RAP1GAP2: variants seen among roughly 807,000 people sequenced by gnomAD.
RAP1GAP2 encodes the protein RAP1 GTPase activating protein 2.
Under a neutral mutation model 95.0 loss-of-function variants are expected in RAP1GAP2, and 27 were observed. The ratio of observed to expected loss-of-function variants is 0.28; its 90% CI spans 0.21 to 0.39. The LOEUF (loss-of-function observed/expected upper bound fraction) is 0.39, where lower values mean the gene tolerates loss of function less well. RAP1GAP2 is among the 10% of genes least tolerant of loss of function. The pLI, the probability that RAP1GAP2 is intolerant of heterozygous loss-of-function variation, is 1.00. For missense variants in RAP1GAP2, 771 were observed against 970.0 expected, an observed-to-expected ratio of 0.79 and a Z score of 2.72; for synonymous variants, 373 against 380.9, an observed-to-expected ratio of 0.98 and a Z score of 0.24.
At chr17:2,813,856 G>A (rs113948841) in intron 2 of RAP1GAP2, among the ~76,000 whole-genome samples, 1,807 of 152,158 alleles carry the variant, frequency 0.012, 44 homozygotes, top group African/African-American at 0.041. Context: ...GTAGCTACTC[G>A]GGAGGCTGAG....
In RAP1GAP2 at chr17:3,008,121, C is replaced by CG. The variant is rs779171787; in HGVS notation, c.1476dup (p.Phe493ValfsTer6). On this transcript the variant is annotated frameshift_variant, in exon 17 of 25. Coordinates refer to ENST00000254695, the MANE Select transcript of RAP1GAP2 (RefSeq NM_015085.5). LOFTEE classifies it high-confidence loss of function. The surrounding 1 kb of genome is among the most constrained non-coding windows in gnomAD (Gnocchi z 4.2). ...AGGACAAGTTTGAGAATGGAGGCCA[C>CG]GGGGGGTTCCTGGAGTCTTTTAAGG... is the stretch of plus-strand genomic sequence containing the variant. The CG allele has an allele frequency of 2.5e-6, 4 of 1,613,950 alleles. No homozygotes were observed. Among genetic ancestry groups the CG allele is most frequent in the African/African-American group, 1.3e-5 (1 of 75,038 alleles).
At chr17:2,780,287 G>A (rs112539239) in intron 1 of RAP1GAP2, among the ~76,000 whole-genome samples, 21,864 of 152,180 alleles carry the variant, frequency 0.14, 1,815 homozygotes, top group East Asian at 0.33. Flanking sequence ...CTGACCTCAG[G>A]TGATCCGCCC....
At chr17:3,007,361 G>A (rs1391008326) in intron 16 of RAP1GAP2, among the ~76,000 whole-genome samples, 1 of 152,188 alleles carries the variant, frequency 6.6e-6, no homozygotes, top group Non-Finnish European at 1.5e-5. Context: ...GGCAAGAGGT[G>A]CAGGAAGGCG....
upstream of RAP1GAP2, among the ~76,000 whole-genome samples, chr17:2,775,394 C>T (rs1199017968): frequency 6.6e-6 from 1 of 150,816 alleles, no homozygotes; most frequent in East Asian, 1.9e-4. Context: ...AGGTGGAAGT[C>T]CTCTCCAAGA....
At chr17:2,846,926 A>G (rs970245988) in intron 2 of RAP1GAP2, among the ~76,000 whole-genome samples, 1 of 152,188 alleles carries the variant, frequency 6.6e-6, no homozygotes, top group African/African-American at 2.4e-5. Flanking sequence ...ATTTTAGCTC[A>G]CAATAGTAGT....
Position 2,806,641 on chromosome 17 carries a change from C to T in RAP1GAP2, c.80+6091C>T, listed in dbSNP as rs571200755. ...TGAACTCGTGACCTCAGATGATCCA[C>T]TTGTCTCGGCCTCCCAAAGTGCTGG... On this transcript the variant is annotated intron_variant, in intron 2 of 24. Coordinates refer to ENST00000254695, the MANE Select transcript of RAP1GAP2 (RefSeq NM_015085.5). 3.3e-5 allele frequency among the ~76,000 whole-genome samples: 5 copies of T among 151,710 alleles called. No individual in the cohort carries two copies. The East Asian group carries it at 7.7e-4, about 24-fold the overall frequency.
chr17:2,960,502 C>T (rs376320051), intron 4 of RAP1GAP2, among the ~76,000 whole-genome samples: 28 of 152,214 alleles, frequency 1.8e-4, no homozygotes, highest in Non-Finnish European at 3.4e-4. Context: ...CAGGGAAGTC[C>T]GCAGAGGCTG....
rs927212471 is a variant in RAP1GAP2 at position 2,871,707 on chromosome 17, AGT to A, written c.81-33576_81-33575del. Among the ~76,000 whole-genome samples, 36 of 152,214 alleles carry A rather than the reference AGT, an allele frequency of 2.4e-4. No homozygotes were observed. The highest frequency in any genetic ancestry group is 1.5e-5 in the Non-Finnish European group (1 of 68,036). ...CATCCCATGGGCAGTACAGTTTGGC[AGT>A]AGCTGTCTCCATTATCCATGCTATC... is the stretch of plus-strand genomic sequence containing the variant. On this transcript the variant is annotated intron_variant, in intron 2 of 24. Coordinates refer to ENST00000254695, the MANE Select transcript of RAP1GAP2 (RefSeq NM_015085.5). The surrounding 1 kb of genome is among the most constrained non-coding windows in gnomAD (Gnocchi z 5.0).
chr17:2,819,170 T>C (rs549675656), intron 2 of RAP1GAP2, among the ~76,000 whole-genome samples: 20 of 151,740 alleles, frequency 1.3e-4, no homozygotes, highest in East Asian at 3.9e-4. Flanking sequence ...AGGCGCCCGC[T>C]ACCACACCCG....
At chr17:2,758,034 TA>T (rs1465597367) in intron 1 of RAP1GAP2, among the ~76,000 whole-genome samples, 3 of 151,592 alleles carry the variant, frequency 2.0e-5, no homozygotes, top group Non-Finnish European at 4.4e-5. Flanking sequence ...CACGCCAGGC[TA>T]ATTTTTTGTA....
chr17:2,887,209 C>T (rs2073532540), intron 2 of RAP1GAP2, among the ~76,000 whole-genome samples: 1 of 151,692 alleles, frequency 6.6e-6, no homozygotes, highest in Non-Finnish European at 1.5e-5. Context: ...AGGCATGCAC[C>T]AACACGCTCA....
chr17:3,010,336 C>CAAAAAAAAAAA (rs1179623628), intron 17 of RAP1GAP2, among the ~76,000 whole-genome samples: 1 of 70,276 alleles, frequency 1.4e-5, no homozygotes, highest in Non-Finnish European at 2.7e-5. Flanking sequence ...GAGACTGTCT[C>CAAAAAAAAAAA]AAAAAAAAAA....
At position 3,027,069 on chromosome 17, in the gene RAP1GAP2, A is replaced by G. The variant is rs377463756; in HGVS notation, c.2106A>G (p.Thr702=). Residue 702 remains threonine (T), a splice_region_variant and synonymous_variant, in exon 22 of 25, where the codon ACA becomes ACG. Coordinates refer to ENST00000254695, the MANE Select transcript of RAP1GAP2 (RefSeq NM_015085.5). This position sits in a 1 kb window ranked among gnomAD's most constrained non-coding sequence, Gnocchi z 5.2. ...CGATCATCATGAGCCGGAGTCCCAC[A>G]GGTCAGTGGCATCTGGTGGTGTGTG... ...ATPIIMSRSP[T]DAKSRNSPRS... 8 of 1,576,960 alleles carry G rather than the reference A, an allele frequency of 5.1e-6. No homozygotes were observed. The highest frequency in any genetic ancestry group is 1.8e-5 in the Admixed American group (1 of 54,872).
intron 8 of RAP1GAP2, among the ~76,000 whole-genome samples, chr17:2,972,562 C>T (rs2044908612): frequency 8.1e-6 from 1 of 123,594 alleles, no homozygotes; most frequent in African/African-American, 3.1e-5. Flanking sequence ...TGTGCCATTG[C>T]ACTACAGCCT....
chr17:2,838,693 G>A (rs1300166225), intron 2 of RAP1GAP2, among the ~76,000 whole-genome samples: 1 of 152,134 alleles, frequency 6.6e-6, no homozygotes, highest in Non-Finnish European at 1.5e-5. Flanking sequence ...AATTGTAACC[G>A]GGGGAGATGA....
intron 8 of RAP1GAP2, among the ~76,000 whole-genome samples, chr17:2,977,742 G>A (rs1367003761): frequency 3.2e-5 from 3 of 94,112 alleles, no homozygotes; most frequent in African/African-American, 9.8e-5. Flanking sequence ...GAGAGACTCC[G>A]TCTTAAAAAA....
At chr17:2,798,247 C>G (rs376795518) in intron 1 of RAP1GAP2, among the ~76,000 whole-genome samples, 15 of 152,314 alleles carry the variant, frequency 9.8e-5, no homozygotes, top group African/African-American at 3.6e-4. Context: ...CCCAGACGCC[C>G]TTGTGTGCTG....
In RAP1GAP2 at chr17:2,832,412, C is replaced by G. The variant is rs543587382; in HGVS notation, c.80+31862C>G. On this transcript the variant is annotated intron_variant, in intron 2 of 24. Coordinates refer to ENST00000254695, the MANE Select transcript of RAP1GAP2 (RefSeq NM_015085.5). ...TCTCTACTAAAAATACAAAAAATTA[C>G]CCAGGTGTTGTGGCGGGCACCTGTA... 2.6e-4 allele frequency among the ~76,000 whole-genome samples: 38 copies of G among 148,498 alleles called. No individual in the cohort carries two copies. In the South Asian group the frequency reaches 6.4e-3, roughly 25 times the overall value.
chr17:2,770,709 A>G (rs780771925), intron 2 of RAP1GAP2, among the ~76,000 whole-genome samples: 16 of 152,232 alleles, frequency 1.1e-4, no homozygotes, highest in Non-Finnish European at 2.2e-4. Context: ...TTGGGAGATT[A>G]TAAGTCTCCA....
Sources: allele counts gnomAD v4.1 joint callset (sites outside exome capture counted in the v4.1 genomes callset), GRCh38; gene constraint gnomAD v4.1.1; non-coding constraint Gnocchi (gnomAD v3.1); transcripts MANE v1.5; gene names NCBI Gene and HGNC (gene_info 2026-07-23, HGNC 2026-07-21).